The following CEP43 variants were observed in gnomAD, a reference collection of about 807,000 sequenced individuals.
The protein encoded by CEP43 is centrosomal protein 43, also known as FGFR1 oncogene partner.
In CEP43, 36 loss-of-function variants were observed where a neutral mutation model predicts 52.6. The observed-to-expected ratio is 0.68, with a 90% CI of 0.52 to 0.90. The LOEUF (loss-of-function observed/expected upper bound fraction) is 0.90. Ranked by LOEUF, CEP43 falls within the 40% of genes least tolerant of loss-of-function variation. CEP43 has a pLI of 0.00. For synonymous variants in CEP43, 192 were observed against 172.4 expected (o/e 1.11, Z -0.89); for missense variants, 506 against 472.8 (o/e 1.07, Z -0.65).
intron 12 of CEP43, among the ~76,000 whole-genome samples, chr6:167,039,281 T>G (rs1178399148): frequency 1.3e-5 from 2 of 151,970 alleles, no homozygotes; most frequent in Non-Finnish European, 2.9e-5. Context: ...AGGCACCCGC[T>G]ATATTGTCTG....
At chr6:167,014,014 T>C (rs1780040339) in intron 7 of CEP43, among the ~76,000 whole-genome samples, 1 of 152,166 alleles carries the variant, frequency 6.6e-6, no homozygotes, top group East Asian at 1.9e-4. Flanking sequence ...AAAAAGTAAA[T>C]TTCACTGTCA....
intron 10 of CEP43, among the ~76,000 whole-genome samples, chr6:167,029,903 G>A (rs1376198456): frequency 6.6e-6 from 1 of 152,216 alleles, no homozygotes; most frequent in Non-Finnish European, 1.5e-5. Flanking sequence ...CATTCTCAAG[G>A]GTGGGGAGAA....
rs191624007 is a variant in CEP43, at chr6:167,051,986, G to A, written c.*12008G>A. 5 of 151,940 alleles carry A rather than the reference G, an allele frequency of 3.3e-5. No individual in the cohort carries two copies. The highest frequency in any genetic ancestry group is 1.3e-4 in the Admixed American group (2 of 15,246). The allele number at this position is 151,940 out of a possible 1,614,324, so 9.4% of individuals were successfully genotyped here. A position where few individuals can be genotyped will look rare whatever the true frequency, so the allele number is the denominator to read the frequency against. ...TTAATTTTTGTTTTCTATATGTCTC[G>A]TGTTTTTGTGGCTTTGCTTCTTCTT... On this transcript the variant is annotated 3_prime_UTR_variant, in exon 13 of 13. Transcript: ENST00000366847.
chr6:167,027,132 G>A (rs929529975), intron 10 of CEP43, among the ~76,000 whole-genome samples: 4 of 152,148 alleles, frequency 2.6e-5, no homozygotes, highest in East Asian at 1.9e-4. Flanking sequence ...TCAGTCTAGT[G>A]GGGAAACAGA....
At chr6:167,035,139 TCTCACTGGGTCCTA>T (rs1780556788) in intron 12 of CEP43, among the ~76,000 whole-genome samples, 1 of 152,196 alleles carries the variant, frequency 6.6e-6, no homozygotes, top group Non-Finnish European at 1.5e-5. Context: ...TTAGACTGCT[TCTCACTGGGTCCTA>T]CTCACTGGGT....
Position 167,033,974 on chromosome 6 carries a change from A to G in CEP43, c.1125+3A>G, listed in dbSNP as rs746507599. On this transcript the variant is annotated splice_donor_region_variant and intron_variant, in intron 12 of 12. Transcript: ENST00000366847. Reference sequence around the variant, plus strand: ...ATGACATCAATACCAGTGATAAGGTATGGTGTTCTGCATTTCCCATAGAGT... The same window carrying G: ...ATGACATCAATACCAGTGATAAGGTGTGGTGTTCTGCATTTCCCATAGAGT... The G allele has an allele frequency of 1.4e-6, 2 of 1,404,524 alleles. No individual in the cohort carries two copies. The highest frequency in any genetic ancestry group is 9.9e-7 in the Non-Finnish European group (1 of 1,013,586). The allele number at this position is 1,404,524 out of a possible 1,614,324, so 87.0% of individuals were successfully genotyped here. A position where few individuals can be genotyped will look rare whatever the true frequency, so the allele number is the denominator to read the frequency against.
chr6:167,003,624 C>T, intron 3 of CEP43, 99 bp from the exon 4 acceptor site: 2 of 679,518 alleles, frequency 2.9e-6, no homozygotes, highest in Non-Finnish European at 4.9e-6. Flanking sequence ...AATTTAGAAA[C>T]CTTTCTTCCA....
chr6:167,013,894 A>AC (rs1780037116), intron 7 of CEP43, among the ~76,000 whole-genome samples: 1 of 152,154 alleles, frequency 6.6e-6, no homozygotes, highest in African/African-American at 2.4e-5. Flanking sequence ...AATCGCTTTA[A>AC]CCCGGGAAGC....
At chr6:167,029,067 GTGTTTTTT>G (rs146601001) in intron 10 of CEP43, among the ~76,000 whole-genome samples, 3,106 of 152,288 alleles carry the variant, frequency 0.02, 51 homozygotes, top group East Asian at 0.091. Flanking sequence ...TAGTCTTTGT[GTGTTTTTT>G]TGTTTTTTTG....
chr6:167,035,067 A>G (rs1248851986), intron 12 of CEP43, among the ~76,000 whole-genome samples: 1 of 152,140 alleles, frequency 6.6e-6, no homozygotes, highest in African/African-American at 2.4e-5. Context: ...TGGGTTGAAG[A>G]GGAGGTGTGG....
chr6:167,006,562 A>G (rs1294520141), intron 5 of CEP43, among the ~76,000 whole-genome samples: 2 of 131,980 alleles, frequency 1.5e-5, no homozygotes, highest in African/African-American at 5.4e-5. Context: ...AAAGAATGCA[A>G]ATATAGTAGA....
At position 167,049,056 on chromosome 6, in the gene CEP43, A is replaced by G. The variant is rs1025278698; in HGVS notation, c.*9078A>G. 19 of 152,246 alleles carry G rather than the reference A, an allele frequency of 1.2e-4. No homozygotes were observed. The highest frequency in any genetic ancestry group is 3.9e-4 in the African/African-American group (16 of 41,466). The allele number at this position is 152,246 out of a possible 1,614,324, so 9.4% of individuals were successfully genotyped here. A position where few individuals can be genotyped will look rare whatever the true frequency, so the allele number is the denominator to read the frequency against. On this transcript the variant is annotated 3_prime_UTR_variant, in exon 13 of 13. Transcript: ENST00000366847. ...AAGATATTTTTAAAATCATTGTCCT[A>G]TGGAAAAGTCATATAGAACGTTTGC...
intron 7 of CEP43, among the ~76,000 whole-genome samples, chr6:167,015,876 T>C (rs1780086172): frequency 6.6e-6 from 1 of 152,130 alleles, no homozygotes; most frequent in African/African-American, 2.4e-5. Context: ...ACAATAAAGA[T>C]AAAAATAAAA....
intron 7 of CEP43, among the ~76,000 whole-genome samples, chr6:167,018,454 G>A (rs1054709883): frequency 1.3e-5 from 2 of 151,896 alleles, no homozygotes; most frequent in African/African-American, 4.8e-5. Flanking sequence ...CAGTGGCGGC[G>A]ATTACAGCTC....
Position 167,042,444 on chromosome 6 carries a change from T to C in CEP43, c.*2466T>C, listed in dbSNP as rs979486494. 10 of 900,464 alleles carry C rather than the reference T, an allele frequency of 1.1e-5. No homozygotes were observed. The highest frequency in any genetic ancestry group is 1.3e-5 in the Non-Finnish European group (10 of 750,728). 55.8% of individuals were successfully genotyped at this position (900,464 alleles called of 1,614,324 possible). On this transcript the variant is annotated 3_prime_UTR_variant, in exon 13 of 13. Transcript: ENST00000366847. ...TTCGGTTGTGCTTTTATACTTTATG[T>C]TGGATAACAACCTGTGGGCAGTTGT...
intron 12 of CEP43, chr6:167,036,793 A>G (rs1238706172): frequency 3.0e-6 from 3 of 983,986 alleles, no homozygotes; most frequent in Non-Finnish European, 3.6e-6. Context: ...AGCCGCCTTT[A>G]TTAGTTTTGT....
At chr6:167,003,293 A>C (rs1170488276) in intron 3 of CEP43, 46 bp downstream of exon 3, 2 of 1,072,948 alleles carry the variant, frequency 1.9e-6, no homozygotes, top group Non-Finnish European at 2.7e-6. Flanking sequence ...TGAATTTTTG[A>C]ATCTTGATAC....
Position 167,003,571 on chromosome 6 carries a change from T to C in CEP43, c.212-152T>C, listed in dbSNP as rs76499256. On this transcript the variant is annotated intron_variant, in intron 3 of 12. Coordinates refer to ENST00000366847, the MANE Select transcript of CEP43 (RefSeq NM_007045.4). ...AAAAATCAGGAGATTGAGATTTTCA[T>C]TACTTAATCATATTATTCAAAGAGG... 5.3e-6 allele frequency: 3 copies of C among 570,240 alleles called. No individual in the cohort carries two copies. In the East Asian group the frequency reaches 8.5e-5, roughly 16 times the overall value. 35.3% of individuals were successfully genotyped at this position (570,240 alleles called of 1,614,324 possible).
intron 10 of CEP43, chr6:167,028,389 C>T (rs995252999): frequency 1.3e-5 from 13 of 985,168 alleles, no homozygotes; most frequent in Non-Finnish European, 1.3e-5. Context: ...AGGCATATCT[C>T]GGGTTGGAAT....
Sources: gnomAD v4.1 joint callset for allele counts (sites outside exome capture counted in the v4.1 genomes callset) on GRCh38, gnomAD v4.1.1 for gene constraint, MANE v1.5 for transcripts, NCBI Gene and HGNC (gene_info 2026-07-23, HGNC 2026-07-21) for gene names.